Variants in SCRIB observed in about 807,000 individuals in gnomAD.
SCRIB encodes the protein scribble planar cell polarity protein, also known as protein scribble homolog.
In SCRIB, 72 loss-of-function variants were observed where a neutral mutation model predicts 170.0. The ratio of observed to expected loss-of-function variants is 0.42; its 90% CI spans 0.35 to 0.52. The LOEUF (loss-of-function observed/expected upper bound fraction) is 0.52, where lower values mean the gene tolerates loss of function less well. Among genes scored for constraint, SCRIB ranks in the 20% least tolerant of loss-of-function variants. SCRIB has a pLI of 0.02. For synonymous variants in SCRIB, 1,298 were observed against 1,044.3 expected, an observed-to-expected ratio of 1.24 and a Z score of -4.68; for missense variants, 2,475 against 2,338.5, an observed-to-expected ratio of 1.06 and a Z score of -1.20.
chr8:143,814,983 C>T, intron 1 of SCRIB: 2 of 510,606 alleles, frequency 3.9e-6, no homozygotes, highest in South Asian at 5.8e-5. Context: ...GCTCCGCCTC[C>T]AGGCTCGGTG....
rs368496362 is a variant in SCRIB, at chr8:143,809,049, T to C, written c.1699-24A>G. ...GGCTGTGCGGACAAAAGGGTGAGGG[T>C]GGCCCCAGCTCTGTGGCTGTGCTTC... On this transcript the variant is annotated intron_variant, in intron 14 of 36. Coordinates refer to ENST00000356994, the MANE Select transcript of SCRIB (RefSeq NM_182706.5). 20 of 1,592,668 alleles carry C rather than the reference T, an allele frequency of 1.3e-5. No homozygotes were observed. In the South Asian group the frequency reaches 1.6e-4, roughly 13 times the overall value.
At chr8:143,801,911 G>A (rs1192430019) in intron 24 of SCRIB, among the ~76,000 whole-genome samples, 2 of 152,178 alleles carry the variant, frequency 1.3e-5, no homozygotes, top group African/African-American at 4.8e-5. Context: ...GGCTCGTGGG[G>A]GACCCGGCCA....
Position 143,814,025 on chromosome 8 carries a change from C to A in SCRIB, c.253G>T (p.Val85Leu). 6.4e-7 allele frequency: 1 copy of A among 1,566,274 alleles called. No individual in the cohort carries two copies. Among genetic ancestry groups the A allele is most frequent in the Middle Eastern group, 1.7e-4 (1 of 6,006 alleles). ...CCGTTCCGGGACACGTCCAGCTCCA[C>A]CAGCTGCATGAAGTTGGCCACCTCG... is the stretch of plus-strand genomic sequence containing the variant. ...PPEVANFMQL[V>L]ELDVSRNDIP... The change falls in exon 2 of 37, where the codon GTG becomes TTG. Residue 85 changes from valine (V) to leucine (L), a missense_variant. Around this residue, in one of 3 missense-constraint regions of SCRIB, gnomAD observed 487 missense variants for 558.1 expected, o/e 0.87. Transcript: ENST00000356994.
rs761985672 is a variant in SCRIB at position 143,813,016 on chromosome 8, C to G, written c.642+14G>C. Reference sequence around the variant, plus strand: ...ATGGGCACGAAGCAGGGGGCCAGCCCCACCCTGACTCACCGGGGGCAGTGC... The same window carrying G: ...ATGGGCACGAAGCAGGGGGCCAGCCGCACCCTGACTCACCGGGGGCAGTGC... On this transcript the variant is annotated intron_variant, in intron 7 of 36. Transcript: ENST00000356994. 6.2e-7 allele frequency: 1 copy of G among 1,606,842 alleles called. No individual in the cohort carries two copies. The highest frequency in any genetic ancestry group is 8.5e-7 in the Non-Finnish European group (1 of 1,177,600).
chr8:143,804,698 G>C lies in SCRIB; in HGVS notation c.2879C>G (p.Pro960Arg). 1 of 1,574,126 alleles carries C rather than the reference G, an allele frequency of 6.4e-7. No individual in the cohort carries two copies. Among genetic ancestry groups the C allele is most frequent in the Non-Finnish European group, 8.6e-7 (1 of 1,157,834 alleles). Residue 960 changes from proline to arginine, a missense_variant, in exon 21 of 37, where the codon CCA becomes CGA. Coordinates refer to ENST00000356994, the MANE Select transcript of SCRIB (RefSeq NM_182706.5). ...AGCAGCGGTGGGGGGTGAGGAATGT[G>C]GCAGAGGGCTGGGAGGAAGAGGGCC... ...AGGPLPPSPL[P>R]HSSPPTAAVA...
In SCRIB at chr8:143,792,000, G is replaced by A; in HGVS notation, c.4648C>T (p.Pro1550Ser). 1 of 1,525,512 alleles carries A rather than the reference G, an allele frequency of 6.6e-7. No homozygotes were observed. The highest frequency in any genetic ancestry group is 8.8e-7 in the Non-Finnish European group (1 of 1,137,974). 94.5% of individuals were successfully genotyped at this position (1,525,512 alleles called of 1,614,324 possible). A position where few individuals can be genotyped will look rare whatever the true frequency, so the allele number is the denominator to read the frequency against. ...GCCCTGACCCACAGACCTTCCACAGGGGTGGGCGACGGGGTGGGCGCAGGG... is the reference window on the plus strand; with the variant it reads ...GCCCTGACCCACAGACCTTCCACAGAGGTGGGCGACGGGGTGGGCGCAGGG... ...PSPAPTPSPTPVEDLGPQTST... is the reference protein window; with the variant it reads ...PSPAPTPSPTSVEDLGPQTST... The change falls in exon 33 of 37, where the codon CCT becomes TCT. Residue 1550 changes from proline (P) to serine (S), a missense_variant. By Grantham distance (74) the Pro-to-Ser change is moderately conservative. This residue lies in a region of SCRIB where 1,966 missense variants were observed against 1,742.9 expected (regional missense o/e 1.13). Coordinates refer to ENST00000356994, the MANE Select transcript of SCRIB (RefSeq NM_182706.5).
chr8:143,791,882 T>C lies in SCRIB; in HGVS notation c.4689A>G (p.Gly1563=). Residue 1563 remains glycine, a synonymous_variant, in exon 34 of 37, where the codon GGA becomes GGG. Coordinates refer to ENST00000356994, the MANE Select transcript of SCRIB (RefSeq NM_182706.5). The part of the protein sequence containing the change: ...DLGPQTSTSP[G]RLPLSGKKFD... ...ATAGCCACCGGCTCCTCACCAGGCG[T>C]CCCGGGGAGGTGCTGGTCTGGGGGC... is the stretch of plus-strand genomic sequence containing the variant. 6.7e-7 allele frequency: 1 copy of C among 1,500,214 alleles called. No homozygotes were observed. Among genetic ancestry groups the C allele is most frequent in the Non-Finnish European group, 8.9e-7 (1 of 1,123,454 alleles). The allele number at this position is 1,500,214 out of a possible 1,614,324, so 92.9% of individuals were successfully genotyped here. A position where few individuals can be genotyped will look rare whatever the true frequency, so the allele number is the denominator to read the frequency against.
intron 1 of SCRIB, among the ~76,000 whole-genome samples, chr8:143,814,584 C>T (rs1283598237): frequency 6.6e-6 from 1 of 152,196 alleles, no homozygotes. Context: ...TGCAGGTGGC[C>T]ACAGAGGACC....
rs1554633291 is a variant in SCRIB, at chr8:143,792,889, G to A, written c.4018-22C>T. On this transcript the variant is annotated intron_variant, in intron 29 of 36. Transcript: ENST00000356994. ...GGGGCTGGGGGGAGCGGACCTTGAG[G>A]TTTGGCTGGCATTCCTCCGAGATAC... 2.7e-6 allele frequency: 4 copies of A among 1,504,722 alleles called. 1 individual carries two copies. In the South Asian group the frequency reaches 4.0e-5, roughly 15 times the overall value. 93.2% of individuals were successfully genotyped at this position (1,504,722 alleles called of 1,614,324 possible).
intron 28 of SCRIB, 38 bp from the exon 29 acceptor site, chr8:143,793,121 C>CTGTCGGAGCTA: frequency 8.2e-7 from 1 of 1,213,238 alleles, no homozygotes; most frequent in African/African-American, 1.5e-5. Context: ...GCTGGGGCAG[C>CTGTCGGAGCTA]TGTCGGGGCT....
chr8:143,810,648 C>T (rs1009317331), intron 12 of SCRIB, 38 bp downstream of exon 12: 19 of 1,604,050 alleles, frequency 1.2e-5, no homozygotes, highest in Non-Finnish European at 1.5e-5. Context: ...GGGCAGGGGT[C>T]AGGCAGAGGT....
At position 143,808,663 on chromosome 8, in the gene SCRIB, G is replaced by A. The variant is rs1815549937; in HGVS notation, c.2061C>T (p.Ala687=). 6.5e-7 allele frequency: 1 copy of A among 1,534,578 alleles called. No homozygotes were observed. The highest frequency in any genetic ancestry group is 1.8e-4 in the Middle Eastern group (1 of 5,660). ...CCTCCTTGTCCTCCTCCTCAGTGCT[G>A]GCCTCTTCCTCTTCAGCCCTGTTTT... is the stretch of plus-strand genomic sequence containing the variant. ...EEENRAEEEE[A]STEEEDKEGA... is the part of the protein sequence containing the mutation. Residue 687 remains alanine (A), a synonymous_variant, in exon 15 of 37, where the codon GCC becomes GCT. Transcript: ENST00000356994.
intron 15 of SCRIB, 143 bp downstream of exon 15, chr8:143,808,466 G>A (rs1290191638): frequency 3.4e-5 from 34 of 991,944 alleles, no homozygotes; most frequent in Non-Finnish European, 4.5e-5. Flanking sequence ...CCGTGATGCC[G>A]ACTGTGGAGC....
At chr8:143,805,924 T>C (rs1815403830) in intron 18 of SCRIB, among the ~76,000 whole-genome samples, 1 of 152,168 alleles carries the variant, frequency 6.6e-6, no homozygotes, top group Non-Finnish European at 1.5e-5. Flanking sequence ...GCCCTCAGTG[T>C]GTCCCTACAA....
Position 143,807,580 on chromosome 8 carries a change from A to G in SCRIB, c.2150T>C (p.Ile717Thr). Residue 717 changes from isoleucine to threonine, a missense_variant, in exon 16 of 37, where the codon ATA becomes ACA. Coordinates refer to ENST00000356994, the MANE Select transcript of SCRIB (RefSeq NM_182706.5). The stretch of plus-strand genomic sequence containing the variant: ...TTCCTCCTCAATGCGAGCAGGCTCT[A>G]TCAGCAGGTTATTGGCCTGGTCAAA... ...VSFDQANNLL[I>T]EPARIEEEEL... 1 of 1,613,974 alleles carries G rather than the reference A, an allele frequency of 6.2e-7. No homozygotes were observed. Among genetic ancestry groups the G allele is most frequent in the Non-Finnish European group, 8.5e-7 (1 of 1,179,922 alleles).
intron 13 of SCRIB, 39 bp from the exon 14 acceptor site, chr8:143,809,757 C>G: frequency 6.3e-7 from 1 of 1,589,216 alleles, no homozygotes; most frequent in South Asian, 1.1e-5. Flanking sequence ...ACGGAGCTCC[C>G]GACTCACAGG....
At chr8:143,800,966 AT>A (rs34690295) in intron 24 of SCRIB, among the ~76,000 whole-genome samples, 137,178 of 152,298 alleles carry the variant, frequency 0.9, 61,807 homozygotes, top group East Asian at 0.98. Flanking sequence ...GAGAAAACAC[AT>A]TGACAATAGA....
chr8:143,810,261 C>G (rs1057362938), intron 13 of SCRIB, among the ~76,000 whole-genome samples: 1 of 152,180 alleles, frequency 6.6e-6, no homozygotes, highest in African/African-American at 2.4e-5. Context: ...TCCCCATACT[C>G]CAGCCCCACA....
chr8:143,804,490 A>G (rs1563797946), intron 21 of SCRIB, 78 bp downstream of exon 21: 13 of 1,414,598 alleles, frequency 9.2e-6, no homozygotes, highest in East Asian at 4.9e-5. Flanking sequence ...CCGCAAGGCC[A>G]TAAGAGAGCA....
Sources: gnomAD v4.1 joint callset for allele counts (sites outside exome capture counted in the v4.1 genomes callset) on GRCh38, gnomAD v4.1.1 for gene constraint, gnomAD v4.1.1 regional missense constraint, MANE v1.5 for transcripts, NCBI Gene and HGNC (gene_info 2026-07-23, HGNC 2026-07-21) for gene names.